VPS13B: variants seen among roughly 807,000 people sequenced by gnomAD.
The protein encoded by VPS13B is vacuolar protein sorting 13 homolog B, also known as intermembrane lipid transfer protein VPS13B.
VPS13B carries 285 observed loss-of-function variants against 426.4 expected under a neutral mutation model. The observed-to-expected ratio is 0.67, with a 90% CI of 0.61 to 0.74. The LOEUF (loss-of-function observed/expected upper bound fraction) is 0.74, where lower values mean the gene tolerates loss of function less well. Ranked by LOEUF, VPS13B falls within the 30% of genes least tolerant of loss-of-function variation. VPS13B has a pLI of 0.00. For missense variants in VPS13B, 4,537 were observed against 4,782.6 expected (o/e 0.95, Z 1.51); for synonymous variants, 1,676 against 1,676.4 (o/e 1.00, Z 0.01).
chr8:99,782,866 T>C (rs1289230963), intron 42 of VPS13B, among the ~76,000 whole-genome samples: 1 of 152,138 alleles, frequency 6.6e-6, no homozygotes, highest in African/African-American at 2.4e-5. Flanking sequence ...TGACAGATGC[T>C]TGTTGTTATG....
intron 25 of VPS13B, among the ~76,000 whole-genome samples, chr8:99,486,842 T>C (rs767778668): frequency 4.6e-5 from 7 of 152,188 alleles, no homozygotes; most frequent in Non-Finnish European, 7.3e-5. Context: ...CCATAGTATT[T>C]GTCTTTATTT....
At chr8:99,099,914 A>G (rs530515346) in intron 4 of VPS13B, among the ~76,000 whole-genome samples, 2 of 152,298 alleles carry the variant, frequency 1.3e-5, no homozygotes, top group African/African-American at 4.8e-5. Context: ...TTTTAGAGCC[A>G]TCTAATATTA....
At chr8:99,444,377 G>T (rs967450904) in intron 23 of VPS13B, among the ~76,000 whole-genome samples, 3 of 152,176 alleles carry the variant, frequency 2.0e-5, no homozygotes, top group African/African-American at 4.8e-5. Flanking sequence ...GATTACAGGC[G>T]TGAGCCACTG....
chr8:99,571,640 A>G (rs1825480476), intron 31 of VPS13B, among the ~76,000 whole-genome samples: 1 of 151,688 alleles, frequency 6.6e-6, no homozygotes, highest in Non-Finnish European at 1.5e-5. Flanking sequence ...CAACTTTTCC[A>G]TTTTAAGGTA....
At chr8:99,132,026 A>T (rs914262630) in intron 8 of VPS13B, among the ~76,000 whole-genome samples, 2 of 152,074 alleles carry the variant, frequency 1.3e-5, no homozygotes, top group African/African-American at 4.8e-5. Context: ...CCTCCTGAGT[A>T]GCTGGGACTG....
rs1830210253 is a variant in VPS13B, at chr8:99,661,209, T to C, written c.5909-145T>C. 1.1e-5 allele frequency: 11 copies of C among 961,666 alleles called. 1 individual carries two copies. The Middle Eastern group carries it at 1.5e-3, about 134-fold the overall frequency. 59.6% of individuals were successfully genotyped at this position (961,666 alleles called of 1,614,324 possible). ...TTTTTCAGCGCGAGTGCTTGTTTACTGTATGTGCACAAACAAATGAAACAA... is the reference window on the plus strand; with the variant it reads ...TTTTTCAGCGCGAGTGCTTGTTTACCGTATGTGCACAAACAAATGAAACAA... On this transcript the variant is annotated intron_variant, in intron 34 of 61. Transcript: ENST00000357162.
chr8:99,113,243 C>T (rs562842809), intron 6 of VPS13B, among the ~76,000 whole-genome samples: 3 of 152,174 alleles, frequency 2.0e-5, no homozygotes, highest in East Asian at 1.9e-4. Flanking sequence ...GGACTACAGG[C>T]GCATGTCTCC....
chr8:99,699,523 A>G lies in VPS13B; in HGVS notation c.6047-2A>G, dbSNP rs1488071043. The G allele has an allele frequency of 1.2e-6, 2 of 1,613,282 alleles. No individual in the cohort carries two copies. The highest frequency in any genetic ancestry group is 1.3e-5 in the African/African-American group (1 of 75,040). ...ATTGTTTTCTCTTTTTTACTTCTAT[A>G]GCGGATGTCAATTTGGATATATCAA... On this transcript the variant is annotated splice_acceptor_variant, in intron 35 of 61. Transcript: ENST00000357162. LOFTEE classifies it high-confidence loss of function.
At chr8:99,422,142 T>A (rs1588357830) in intron 21 of VPS13B, among the ~76,000 whole-genome samples, 1 of 152,188 alleles carries the variant, frequency 6.6e-6, no homozygotes, top group East Asian at 1.9e-4. Flanking sequence ...TATTGTCTTT[T>A]CTTTTTTACA....
chr8:99,320,650 G>C (rs1809925576), intron 19 of VPS13B, among the ~76,000 whole-genome samples: 1 of 152,174 alleles, frequency 6.6e-6, no homozygotes, highest in South Asian at 2.1e-4. Context: ...ATTTGGCAGA[G>C]AAAGCATTTA....
intron 23 of VPS13B, among the ~76,000 whole-genome samples, chr8:99,463,954 C>T (rs976914665): frequency 7.2e-5 from 11 of 152,144 alleles, no homozygotes; most frequent in Non-Finnish European, 1.6e-4. Flanking sequence ...TTCGGCCTCC[C>T]AAAGTGTTGG....
rs944006085 is a variant in VPS13B at position 99,149,922 on chromosome 8, T to G, written c.2013+1912T>G. On this transcript the variant is annotated intron_variant, in intron 14 of 61. Transcript: ENST00000357162. ...GACCTGAAGTGGAACAATTTCATTC[T>G]GAAACCATACCCCTTCTCCTGTCTG... Among the ~76,000 whole-genome samples, 11 of 152,312 alleles carry G rather than the reference T, an allele frequency of 7.2e-5. No individual in the cohort carries two copies. In the East Asian group the frequency reaches 2.1e-3, roughly 29 times the overall value.
At chr8:99,102,075 T>C (rs1398903987) in intron 4 of VPS13B, among the ~76,000 whole-genome samples, 1 of 152,090 alleles carries the variant, frequency 6.6e-6, no homozygotes, top group Non-Finnish European at 1.5e-5. Flanking sequence ...ATGTACACAC[T>C]TACATGAGAA....
chr8:99,682,638 G>A (rs896378969), intron 35 of VPS13B, among the ~76,000 whole-genome samples: 7 of 152,140 alleles, frequency 4.6e-5, no homozygotes, highest in Admixed American at 3.9e-4. Context: ...GCTGCCTGGA[G>A]ATGGGGCTAG....
chr8:99,737,535 A>G (rs919997308), intron 39 of VPS13B, among the ~76,000 whole-genome samples: 1 of 152,076 alleles, frequency 6.6e-6, no homozygotes, highest in Admixed American at 6.6e-5. Flanking sequence ...TCTACTATGC[A>G]TTTTTATTAG....
At chr8:99,179,818 T>G (rs563654151) in intron 16 of VPS13B, among the ~76,000 whole-genome samples, 8 of 152,322 alleles carry the variant, frequency 5.3e-5, no homozygotes, top group African/African-American at 1.9e-4. Flanking sequence ...GGCTGTTTCT[T>G]TAACAATTTC....
chr8:99,687,953 T>C (rs916135138), intron 35 of VPS13B, among the ~76,000 whole-genome samples: 5 of 152,016 alleles, frequency 3.3e-5, no homozygotes, highest in Non-Finnish European at 7.4e-5. Flanking sequence ...TGAATGAACT[T>C]CTTGGAGAAA....
intron 16 of VPS13B, among the ~76,000 whole-genome samples, chr8:99,177,184 T>C (rs895482317): frequency 6.6e-6 from 1 of 152,200 alleles, no homozygotes; most frequent in Admixed American, 6.5e-5. Flanking sequence ...CATTGTACAG[T>C]CTGGCAGAAG....
At chr8:99,160,041 G>A (rs988808868) in intron 15 of VPS13B, among the ~76,000 whole-genome samples, 3 of 151,720 alleles carry the variant, frequency 2.0e-5, no homozygotes, top group Non-Finnish European at 4.4e-5. Flanking sequence ...CAGTATAAGT[G>A]TATACATAAC....
Sources: gnomAD v4.1 joint callset for allele counts (sites outside exome capture counted in the v4.1 genomes callset) on GRCh38, gnomAD v4.1.1 for gene constraint, MANE v1.5 for transcripts, NCBI Gene and HGNC (gene_info 2026-07-23, HGNC 2026-07-21) for gene names.